Variants in PAX2 observed in about 807,000 individuals in gnomAD.
PAX2 encodes paired box 2, also known as paired box protein Pax-2.
PAX2 carries 9 observed loss-of-function variants against 41.7 expected under a neutral mutation model. The ratio of observed to expected loss-of-function variants is 0.22; its 90% CI spans 0.13 to 0.38. The LOEUF is 0.38. PAX2 is among the 10% of genes least tolerant of loss of function. The pLI, the probability that PAX2 is intolerant of heterozygous loss-of-function variation, is 1.00. For missense variants in PAX2, 418 were observed against 531.6 expected (o/e 0.79, Z 2.10); for synonymous variants, 221 against 212.7 (o/e 1.04, Z -0.34).
At chr10:100,760,911 A>C (rs967357492) in intron 3 of PAX2, among the ~76,000 whole-genome samples, 2 of 152,120 alleles carry the variant, frequency 1.3e-5, no homozygotes, top group Non-Finnish European at 2.9e-5. Flanking sequence ...TGAGGAGCTG[A>C]CACTAGGGCA....
At chr10:100,747,897 G>T (rs1589808670) in intron 1 of PAX2, 1 of 984,350 alleles carries the variant, frequency 1.0e-6, no homozygotes, top group South Asian at 4.7e-5. Flanking sequence ...TGCGGATTCC[G>T]CCGGGGGTCC....
At chr10:100,793,705 C>G (rs768023342) in intron 5 of PAX2, among the ~76,000 whole-genome samples, 1 of 152,214 alleles carries the variant, frequency 6.6e-6, no homozygotes, top group South Asian at 2.1e-4. Context: ...CCTCTGTCCT[C>G]GGCAGTTTTC....
chr10:100,779,864 C>T (rs1846543455), intron 4 of PAX2, among the ~76,000 whole-genome samples: 1 of 151,942 alleles, frequency 6.6e-6, no homozygotes, highest in Non-Finnish European at 1.5e-5. Flanking sequence ...TTTCTTCTAG[C>T]ATTTCTTCTT....
chr10:100,784,502 C>A (rs1846769102), intron 5 of PAX2, among the ~76,000 whole-genome samples: 1 of 152,206 alleles, frequency 6.6e-6, no homozygotes, highest in African/African-American at 2.4e-5. Flanking sequence ...GAGTGTCATA[C>A]CCCAAGGGCA....
At chr10:100,753,983 T>C (rs1041982220) in intron 3 of PAX2, among the ~76,000 whole-genome samples, 18 of 152,200 alleles carry the variant, frequency 1.2e-4, no homozygotes, top group African/African-American at 4.3e-4. Flanking sequence ...TTTATCTGAA[T>C]CTTTCTAAAC....
chr10:100,786,936 G>A lies in PAX2; in HGVS notation c.616+5571G>A, dbSNP rs756266680. ...CTCAGTGTTTGTCTGTCTCTTATTT[G>A]CTCTAGTTGAGGTATACACTGATCC... On this transcript the variant is annotated intron_variant, in intron 5 of 9. Coordinates refer to ENST00000355243, the MANE Select transcript of PAX2 (RefSeq NM_000278.5). 9 of 1,380,306 alleles carry A rather than the reference G, an allele frequency of 6.5e-6. No individual in the cohort carries two copies. In the Admixed American group the frequency reaches 1.7e-4, roughly 26 times the overall value. The allele number at this position is 1,380,306 out of a possible 1,614,324, so 85.5% of individuals were successfully genotyped here. A position where few individuals can be genotyped will look rare whatever the true frequency, so the allele number is the denominator to read the frequency against.
chr10:100,766,204 A>G (rs1846023872), intron 3 of PAX2, among the ~76,000 whole-genome samples: 1 of 152,246 alleles, frequency 6.6e-6, no homozygotes, highest in East Asian at 1.9e-4. Context: ...CTTTGGATCA[A>G]GGGAAGTGCA....
intron 3 of PAX2, among the ~76,000 whole-genome samples, chr10:100,759,882 G>T (rs1198934112): frequency 6.6e-6 from 1 of 152,190 alleles, no homozygotes; most frequent in Non-Finnish European, 1.5e-5. Flanking sequence ...TGGCCTGGGG[G>T]TCTTTGCTGG....
intron 5 of PAX2, among the ~76,000 whole-genome samples, chr10:100,784,232 C>T (rs1846756392): frequency 6.6e-6 from 1 of 152,242 alleles, no homozygotes; most frequent in African/African-American, 2.4e-5. Flanking sequence ...GGTAGCAAAG[C>T]AGCTGGCAGG....
chr10:100,765,075 A>G (rs1845972103), intron 3 of PAX2, among the ~76,000 whole-genome samples: 1 of 152,232 alleles, frequency 6.6e-6, no homozygotes, highest in Non-Finnish European at 1.5e-5. Context: ...CTAAGGAAGT[A>G]TGGGAGTTTG....
chr10:100,742,385 A>T (rs1387804903), upstream of PAX2, among the ~76,000 whole-genome samples: 1 of 148,234 alleles, frequency 6.7e-6, no homozygotes, highest in Non-Finnish European at 1.5e-5. Flanking sequence ...CGACACCTAC[A>T]CCCAGACAGA....
intron 5 of PAX2, among the ~76,000 whole-genome samples, chr10:100,799,543 A>G (rs996847560): frequency 1.5e-4 from 23 of 152,226 alleles, no homozygotes; most frequent in African/African-American, 5.5e-4. Flanking sequence ...TAGAGTGGAG[A>G]GAGCTTCAGA....
At chr10:100,737,009 C>T (rs1844795896) in intron 1 of PAX2, among the ~76,000 whole-genome samples, 1 of 152,228 alleles carries the variant, frequency 6.6e-6, no homozygotes, top group African/African-American at 2.4e-5. Flanking sequence ...TCTCCCCTTT[C>T]TTCCTCTCTG....
chr10:100,796,378 T>C (rs1311799170), intron 5 of PAX2, among the ~76,000 whole-genome samples: 1 of 152,240 alleles, frequency 6.6e-6, no homozygotes, highest in Non-Finnish European at 1.5e-5. Context: ...CATTAAATAT[T>C]CTTTGAAAAC....
chr10:100,825,745 G>C (rs1036919763), intron 8 of PAX2, among the ~76,000 whole-genome samples: 2 of 152,152 alleles, frequency 1.3e-5, no homozygotes, highest in African/African-American at 4.8e-5. Context: ...CAGAGCTTGG[G>C]GTAGGGGCAG....
Position 100,749,805 on chromosome 10 carries a change from G to C in PAX2, c.103G>C (p.Asp35His), listed in dbSNP as rs968200750. Residue 35 changes from aspartate (D) to histidine (H), a missense_variant, in exon 2 of 10, where the codon GAC becomes CAC. Asp to His is a moderately conservative substitution (Grantham distance 81). Transcript: ENST00000355243. Reference protein sequence around the residue: ...GVFVNGRPLPDVVRQRIVELA... With the variant: ...GVFVNGRPLPHVVRQRIVELA... Reference sequence around the variant, plus strand: ...GTTTGTGAACGGCCGGCCCCTACCCGACGTGGTGAGGCAGCGCATCGTGGA... The same window carrying C: ...GTTTGTGAACGGCCGGCCCCTACCCCACGTGGTGAGGCAGCGCATCGTGGA... The C allele has an allele frequency of 2.5e-6, 4 of 1,611,600 alleles. No individual in the cohort carries two copies. In the African/African-American group the frequency reaches 5.3e-5, roughly 22 times the overall value.
In PAX2 at chr10:100,750,756, C is replaced by T. The variant is rs1845411121; in HGVS notation, c.275C>T (p.Thr92Met). The change falls in exon 3 of 10, where the codon ACG (threonine) becomes ATG (methionine). Residue 92 changes from threonine to methionine, a missense_variant. This residue lies in a region of PAX2 where 108 missense variants were observed against 206.3 expected (regional missense o/e 0.52). Coordinates refer to ENST00000355243, the MANE Select transcript of PAX2 (RefSeq NM_000278.5). This position sits in a 1 kb window ranked among gnomAD's most constrained non-coding sequence, Gnocchi z 4.1. Reference sequence around the variant, plus strand: ...GGTGGCTCCAAGCCCAAAGTGGCGACGCCCAAAGTGGTGGACAAGATTGCT... The same window carrying T: ...GGTGGCTCCAAGCCCAAAGTGGCGATGCCCAAAGTGGTGGACAAGATTGCT... ...VIGGSKPKVA[T>M]PKVVDKIAEY... The T allele has an allele frequency of 6.2e-7, 1 of 1,614,174 alleles. No homozygotes were observed. The highest frequency in any genetic ancestry group is 1.1e-5 in the South Asian group (1 of 91,084).
chr10:100,754,064 G>C (rs547840910), intron 3 of PAX2, among the ~76,000 whole-genome samples: 2 of 152,346 alleles, frequency 1.3e-5, no homozygotes, highest in East Asian at 3.9e-4. Flanking sequence ...TAAAGGGCAG[G>C]TGTTTATAAA....
At chr10:100,784,709 G>A (rs969540691) in intron 5 of PAX2, among the ~76,000 whole-genome samples, 1 of 152,180 alleles carries the variant, frequency 6.6e-6, no homozygotes, top group Non-Finnish European at 1.5e-5. Flanking sequence ...AACATTATTG[G>A]CACTGGCACT....
Sources: allele counts gnomAD v4.1 joint callset (sites outside exome capture counted in the v4.1 genomes callset), GRCh38; gene constraint gnomAD v4.1.1; regional missense constraint gnomAD v4.1.1; non-coding constraint Gnocchi (gnomAD v3.1); transcripts MANE v1.5; gene names NCBI Gene and HGNC (gene_info 2026-07-23, HGNC 2026-07-21).